Variants in TOGARAM2 observed in about 807,000 individuals in gnomAD.
The protein encoded by TOGARAM2 is TOG array regulator of axonemal microtubules protein 2.
Under a neutral mutation model 93.3 loss-of-function variants are expected in TOGARAM2, and 85 were observed. The observed-to-expected ratio is 0.91, with a 90% CI of 0.76 to 1.09. The LOEUF (loss-of-function observed/expected upper bound fraction) is 1.09, where lower values mean the gene tolerates loss of function less well. Ranked by LOEUF, TOGARAM2 falls within the 50% of genes least tolerant of loss-of-function variation. The pLI is 0.00. For synonymous variants in TOGARAM2, 593 were observed against 552.8 expected (o/e 1.07, Z -1.02); for missense variants, 1,277 against 1,334.5 (o/e 0.96, Z 0.67).
intron 1 of TOGARAM2, among the ~76,000 whole-genome samples, chr2:28,963,772 C>T (rs540408981): frequency 4.6e-5 from 7 of 152,246 alleles, no homozygotes; most frequent in African/African-American, 1.4e-4. Flanking sequence ...GTTTGGGAGG[C>T]CGAGGTGAGC....
At chr2:29,036,393 T>G in intron 17 of TOGARAM2, 148 bp from the exon 18 acceptor site, 3 of 666,384 alleles carry the variant, frequency 4.5e-6, no homozygotes, top group South Asian at 1.9e-5. Flanking sequence ...TCTTCATTTT[T>G]GAGAGTGCTG....
intron 1 of TOGARAM2, among the ~76,000 whole-genome samples, chr2:28,974,545 G>C (rs560001996): frequency 6.6e-5 from 10 of 152,126 alleles, no homozygotes; most frequent in African/African-American, 2.2e-4. Context: ...TCCTCTCCTT[G>C]AACTCCAGTC....
intron 18 of TOGARAM2, among the ~76,000 whole-genome samples, chr2:29,037,240 A>G (rs6756951): frequency 0.38 from 56,970 of 151,912 alleles, 10,962 homozygotes; most frequent in East Asian, 0.66. Context: ...TGGAACGTTA[A>G]GGGAAATGTT....
At chr2:28,998,332 G>A (rs1485948173) in intron 3 of TOGARAM2, 79 bp downstream of exon 3, 38 of 933,366 alleles carry the variant, frequency 4.1e-5, no homozygotes, top group Middle Eastern at 2.2e-4. Flanking sequence ...GATGCCGGCT[G>A]TGTTCTCGAG....
intron 1 of TOGARAM2, among the ~76,000 whole-genome samples, chr2:28,962,181 T>C (rs1671811901): frequency 6.6e-6 from 1 of 151,550 alleles, no homozygotes. Flanking sequence ...ATACATAGTT[T>C]TTTTTTTTTT....
intron 16 of TOGARAM2, among the ~76,000 whole-genome samples, chr2:29,034,951 A>G (rs1665991905): frequency 6.6e-6 from 1 of 152,010 alleles, no homozygotes; most frequent in Admixed American, 6.5e-5. Context: ...GGAGTTTGAG[A>G]CCGGCCTGGC....
At chr2:28,993,213 A>G (rs1672823706) in intron 1 of TOGARAM2, among the ~76,000 whole-genome samples, 2 of 152,218 alleles carry the variant, frequency 1.3e-5, no homozygotes, top group African/African-American at 4.8e-5. Context: ...AGGAGAACAA[A>G]GACTGTAGCT....
chr2:28,993,800 G>A (rs1205710216), intron 1 of TOGARAM2, among the ~76,000 whole-genome samples: 1 of 152,362 alleles, frequency 6.6e-6, no homozygotes, highest in African/African-American at 2.4e-5. Flanking sequence ...TGGGGCAGTG[G>A]CTGGCTGGCT....
intron 5 of TOGARAM2, among the ~76,000 whole-genome samples, chr2:29,003,039 C>G (rs1004732306): frequency 5.3e-5 from 8 of 152,202 alleles, no homozygotes; most frequent in Admixed American, 5.2e-4. Context: ...CTTCTCTGGT[C>G]TAAATGTTCC....
Position 28,999,254 on chromosome 2 carries a change from G to T in TOGARAM2, c.213G>T (p.Gln71His). ...CACAGCTCCTGCGTGGACTCGGACA[G>T]CTGGGTGGCCTCAAGCTGGACACCC... ...EPSQLLRGLG[Q>H]LGGLKLDTPS... Residue 71 changes from glutamine to histidine, a missense_variant, in exon 4 of 20, where the codon CAG (glutamine) becomes CAT (histidine). By Grantham distance (24) the Gln-to-His change is conservative (BLOSUM62 0). Transcript: ENST00000379558. 6.2e-7 allele frequency: 1 copy of T among 1,613,948 alleles called. No homozygotes were observed.
At position 29,020,861 on chromosome 2, in the gene TOGARAM2, T is replaced by C. The variant is rs183385482; in HGVS notation, c.1361-1297T>C. Among the ~76,000 whole-genome samples, 157 of 152,254 alleles carry C rather than the reference T, an allele frequency of 1.0e-3. No homozygotes were observed. In the Middle Eastern group the frequency reaches 0.014, roughly 13 times the overall value. ...AGACTGTTCCACCTGCCAAGGGCAG[T>C]GCTGAAAAAGAGTCCAAGAGTGAGG... On this transcript the variant is annotated intron_variant, in intron 10 of 19. Transcript: ENST00000379558.
intron 13 of TOGARAM2, among the ~76,000 whole-genome samples, chr2:29,025,124 C>A (rs570981249): frequency 1.3e-5 from 2 of 152,144 alleles, no homozygotes; most frequent in Non-Finnish European, 2.9e-5. Flanking sequence ...AGCTGGGAGA[C>A]CTTTAGTAAT....
intron 1 of TOGARAM2, among the ~76,000 whole-genome samples, chr2:28,970,670 C>T (rs902166461): frequency 2.0e-5 from 3 of 152,148 alleles, no homozygotes; most frequent in African/African-American, 7.2e-5. Flanking sequence ...CTGTTAAAAG[C>T]CCAGGGTGGA....
At chr2:28,972,720 A>G (rs1671966003) in intron 1 of TOGARAM2, among the ~76,000 whole-genome samples, 1 of 152,156 alleles carries the variant, frequency 6.6e-6, no homozygotes, top group Non-Finnish European at 1.5e-5. Flanking sequence ...AATAGAACGT[A>G]GGCTCCACCT....
chr2:29,032,775 A>G, intron 14 of TOGARAM2, 159 bp from the exon 15 acceptor site: 1 of 595,854 alleles, frequency 1.7e-6, no homozygotes, highest in Non-Finnish European at 2.9e-6. Context: ...GATGATGTTT[A>G]TTTTATTAAT....
intron 6 of TOGARAM2, among the ~76,000 whole-genome samples, chr2:29,008,598 A>AG: frequency 1.3e-5 from 2 of 152,234 alleles, no homozygotes; most frequent in Non-Finnish European, 2.9e-5. Context: ...CTAGGATTAC[A>AG]GACATGCACC....
rs72857459 is a variant in TOGARAM2 at position 28,996,322 on chromosome 2, T to C, written c.28+1460T>C. Among the ~76,000 whole-genome samples, 442 of 152,266 alleles carry C rather than the reference T, an allele frequency of 2.9e-3. 3 individuals are homozygous for C. Among genetic ancestry groups the C allele is most frequent in the African/African-American group, 0.01 (417 of 41,558 alleles). ...ATGAGCTATAGTCACCCTACTATAC[T>C]ATCAAACAATAGCTCTCATTCCTTC... On this transcript the variant is annotated intron_variant, in intron 2 of 19. Coordinates refer to ENST00000379558, the MANE Select transcript of TOGARAM2 (RefSeq NM_199280.4).
chr2:28,981,803 G>A (rs372893529), intron 1 of TOGARAM2, among the ~76,000 whole-genome samples: 22 of 152,332 alleles, frequency 1.4e-4, no homozygotes, highest in African/African-American at 5.3e-4. Context: ...AAGGAAGGAG[G>A]GGCTGGCCTG....
chr2:29,006,556 T>C (rs527570227), intron 6 of TOGARAM2, among the ~76,000 whole-genome samples: 36 of 152,200 alleles, frequency 2.4e-4, no homozygotes, highest in African/African-American at 7.7e-4. Context: ...ACAATCCAGT[T>C]CCTGCTGTGA....
Sources: gnomAD v4.1 joint callset for allele counts (sites outside exome capture counted in the v4.1 genomes callset) on GRCh38, gnomAD v4.1.1 for gene constraint, MANE v1.5 for transcripts, NCBI Gene and HGNC (gene_info 2026-07-23, HGNC 2026-07-21) for gene names.